LEPR: variants seen among roughly 807,000 people sequenced by gnomAD.
LEPR encodes the protein leptin receptor.
In LEPR, 56 loss-of-function variants were observed where a neutral mutation model predicts 114.7. The observed-to-expected ratio is 0.49, with a 90% CI of 0.39 to 0.61. The LOEUF is 0.61. Ranked by LOEUF, LEPR falls within the 20% of genes least tolerant of loss-of-function variation. LEPR has a pLI of 0.00. For missense variants in LEPR, 1,202 were observed against 1,352.9 expected (o/e 0.89, Z 1.75); for synonymous variants, 443 against 461.4 (o/e 0.96, Z 0.51).
intron 19 of LEPR, among the ~76,000 whole-genome samples, chr1:65,623,899 C>T (rs4567312): frequency 0.056 from 8,496 of 152,228 alleles, 537 homozygotes; most frequent in South Asian, 0.21. Context: ...TCCACCTTCA[C>T]AGAGCCTTCC....
At chr1:65,460,130 A>G (rs1440658501) in intron 2 of LEPR, among the ~76,000 whole-genome samples, 1 of 151,954 alleles carries the variant, frequency 6.6e-6, no homozygotes, top group Non-Finnish European at 1.5e-5. Flanking sequence ...AATCTATATT[A>G]CATATCAGCA....
chr1:65,603,895 T>C (rs764795508), intron 10 of LEPR, among the ~76,000 whole-genome samples: 43 of 152,078 alleles, frequency 2.8e-4, no homozygotes, highest in African/African-American at 9.7e-4. Flanking sequence ...ATGAGGAATA[T>C]ACATGGTTAT....
intron 2 of LEPR, among the ~76,000 whole-genome samples, chr1:65,548,018 C>T (rs1651917387): frequency 6.6e-6 from 1 of 151,354 alleles, no homozygotes; most frequent in African/African-American, 2.4e-5. Context: ...TCTTTGTTCT[C>T]GTTGGTTTCA....
At chr1:65,613,961 G>T (rs1410385011) in intron 14 of LEPR, among the ~76,000 whole-genome samples, 3 of 151,888 alleles carry the variant, frequency 2.0e-5, no homozygotes, top group African/African-American at 7.3e-5. Context: ...TTGCTGGTGA[G>T]GATGCAGGGC....
chr1:65,633,839 T>A lies in LEPR; in HGVS notation c.2674-2352T>A. On this transcript the variant is annotated intron_variant, in intron 19 of 19. Transcript: ENST00000349533. The surrounding 1 kb of genome is among the most constrained non-coding windows in gnomAD (Gnocchi z 4.1). ...TCAGTTAAAAGGAAGCCCGAAGTTG[T>A]GTTTGTGCTGCCCACAGGACAGTGG... The A allele has an allele frequency of 1.0e-6, 1 of 985,658 alleles. No homozygotes were observed. The highest frequency in any genetic ancestry group is 1.2e-6 in the Non-Finnish European group (1 of 830,148). 61.1% of individuals were successfully genotyped at this position (985,658 alleles called of 1,614,324 possible). A position where few individuals can be genotyped will look rare whatever the true frequency, so the allele number is the denominator to read the frequency against.
intron 15 of LEPR, among the ~76,000 whole-genome samples, chr1:65,617,111 G>C (rs1319611081): frequency 6.6e-6 from 1 of 152,160 alleles, no homozygotes; most frequent in Non-Finnish European, 1.5e-5. Flanking sequence ...TGCGTCAGTG[G>C]GGTAGGTAGT....
chr1:65,432,240 G>A (rs1194496299), intron 2 of LEPR: 2 of 1,013,004 alleles, frequency 2.0e-6, no homozygotes, highest in East Asian at 1.0e-4. Flanking sequence ...TTTTGCTTGG[G>A]GATGTGCTTG....
intron 2 of LEPR, among the ~76,000 whole-genome samples, chr1:65,494,631 T>A (rs928027253): frequency 2.0e-5 from 3 of 152,196 alleles, no homozygotes; most frequent in South Asian, 2.1e-4. Context: ...TACAGAAAAA[T>A]TTAAATTGGA....
chr1:65,437,426 GT>G (rs990979605), intron 2 of LEPR, among the ~76,000 whole-genome samples: 1 of 151,978 alleles, frequency 6.6e-6, no homozygotes, highest in Admixed American at 6.5e-5. Flanking sequence ...TCAATGGAAT[GT>G]TTTTCAGACA....
intron 2 of LEPR, among the ~76,000 whole-genome samples, chr1:65,488,244 C>CTATT: frequency 8.6e-6 from 1 of 116,188 alleles, no homozygotes; most frequent in Non-Finnish European, 1.8e-5. Flanking sequence ...TTCTTTCTTT[C>CTATT]TTTCTTTCTT....
intron 19 of LEPR, chr1:65,634,678 T>G: frequency 2.1e-6 from 2 of 974,570 alleles, no homozygotes; most frequent in Non-Finnish European, 2.4e-6. Context: ...AGGACATATG[T>G]AATCTTGACT....
chr1:65,544,826 T>A (rs1186325640), intron 2 of LEPR, among the ~76,000 whole-genome samples: 1 of 151,166 alleles, frequency 6.6e-6, no homozygotes, highest in Non-Finnish European at 1.5e-5. Flanking sequence ...ATTATTATAC[T>A]TTAAGTTTTA....
intron 3 of LEPR, among the ~76,000 whole-genome samples, chr1:65,567,446 T>C (rs1301649770): frequency 6.6e-6 from 1 of 152,194 alleles, no homozygotes; most frequent in Admixed American, 6.5e-5. Flanking sequence ...TTTAGAAACA[T>C]GTTAGAAGGA....
intron 2 of LEPR, among the ~76,000 whole-genome samples, chr1:65,499,489 C>G (rs1258326284): frequency 2.6e-5 from 4 of 152,096 alleles, no homozygotes; most frequent in African/African-American, 7.2e-5. Flanking sequence ...ATATAAATAT[C>G]AGCCCCACCA....
At chr1:65,434,416 A>C (rs1043167867) in intron 2 of LEPR, 1 of 985,286 alleles carries the variant, frequency 1.0e-6, no homozygotes, top group African/African-American at 1.7e-5. Flanking sequence ...CCACAAGTAA[A>C]TAATCTTATG....
At position 65,640,866 on chromosome 1, in the gene LEPR, T is replaced by G. The variant is rs1328617658; in HGVS notation, c.*3851T>G. The stretch of plus-strand genomic sequence containing the variant: ...ACCCCTGCTTCCCAGGTTCAAGCGA[T>G]TCTCCTGCCTCAGCCTCCCCAGTAG... On this transcript the variant is annotated 3_prime_UTR_variant, in exon 20 of 20. Transcript: ENST00000349533. The G allele has an allele frequency of 6.6e-6, 1 of 151,876 alleles. No homozygotes were observed. Among genetic ancestry groups the G allele is most frequent in the Non-Finnish European group, 1.5e-5 (1 of 68,064 alleles). The allele number at this position is 151,876 out of a possible 1,614,324, so 9.4% of individuals were successfully genotyped here. A position where few individuals can be genotyped will look rare whatever the true frequency, so the allele number is the denominator to read the frequency against.
In LEPR at chr1:65,636,614, G is replaced by A. The variant is rs1242522774; in HGVS notation, c.3097G>A (p.Ala1033Thr). 6.2e-7 allele frequency: 1 copy of A among 1,613,530 alleles called. No individual in the cohort carries two copies. The highest frequency in any genetic ancestry group is 2.2e-5 in the East Asian group (1 of 44,898). The change falls in exon 20 of 20, where the codon GCC becomes ACC. Residue 1033 changes from alanine to threonine, a missense_variant. Coordinates refer to ENST00000349533, the MANE Select transcript of LEPR (RefSeq NM_002303.6). ...SFSNSSWEIE[A>T]QAFFILSDQH... Reference sequence around the variant, plus strand: ...CTCTAATAGCTCATGGGAGATAGAGGCCCAGGCATTTTTTATATTATCAGA... The same window carrying A: ...CTCTAATAGCTCATGGGAGATAGAGACCCAGGCATTTTTTATATTATCAGA...
chr1:65,423,609 G>A (rs1330503722), intron 1 of LEPR, among the ~76,000 whole-genome samples: 1 of 152,178 alleles, frequency 6.6e-6, no homozygotes, highest in Admixed American at 6.5e-5. Flanking sequence ...TTCCATTAAA[G>A]AGTGGAAATG....
chr1:65,591,397 G>A (rs1484393793), intron 5 of LEPR, among the ~76,000 whole-genome samples: 1 of 152,044 alleles, frequency 6.6e-6, no homozygotes, highest in Admixed American at 6.6e-5. Flanking sequence ...TATCAATGGA[G>A]AAGAATGTTA....
Sources: gnomAD v4.1 joint callset for allele counts (sites outside exome capture counted in the v4.1 genomes callset) on GRCh38, gnomAD v4.1.1 for gene constraint, Gnocchi (gnomAD v3.1) non-coding constraint, MANE v1.5 for transcripts, NCBI Gene and HGNC (gene_info 2026-07-23, HGNC 2026-07-21) for gene names.